The following RDH13 variants were observed in gnomAD, a reference collection of about 807,000 sequenced individuals.
The protein encoded by RDH13 is retinol dehydrogenase 13.
Under a neutral mutation model 28.3 loss-of-function variants are expected in RDH13, and 35 were observed. The ratio of observed to expected loss-of-function variants is 1.24; its 90% CI spans 0.95 to 1.64. The LOEUF is 1.64. Among genes scored for constraint, RDH13 ranks in the 40% most tolerant of loss-of-function variants. The pLI is 0.00. For synonymous variants in RDH13, 229 were observed against 198.5 expected, an observed-to-expected ratio of 1.15 and a Z score of -1.29; for missense variants, 514 against 446.3, an observed-to-expected ratio of 1.15 and a Z score of -1.37.
rs952597100 is a variant in RDH13, at chr19:55,047,467, G to C, written c.680C>G (p.Ala227Gly). 2.5e-6 allele frequency: 4 copies of C among 1,608,634 alleles called. No individual in the cohort carries two copies. The African/African-American group carries it at 4.0e-5, about 16-fold the overall frequency. ...TGTCCTGGCCACGCCGGGGTGCAGG[G>C]CGTTGACAGTCACACCAGAGCCTGG... The part of the protein sequence containing the change: ...RLQGSGVTVN[A>G]LHPGVARTEL... Residue 227 changes from alanine (A) to glycine (G), a missense_variant, in exon 6 of 7, where the codon GCC becomes GGC. Transcript: ENST00000415061.
At position 55,044,973 on chromosome 19, in the gene RDH13, C is replaced by T; in HGVS notation, c.*101G>A. ...ACTGCGGGCATGGCGGCCGCCAGTC[C>T]TGGGTCTCCCGGCTCAGGTAGTGCC... On this transcript the variant is annotated 3_prime_UTR_variant, in exon 7 of 7. Coordinates refer to ENST00000415061, the MANE Select transcript of RDH13 (RefSeq NM_001145971.2). 1.1e-6 allele frequency: 1 copy of T among 910,890 alleles called. No homozygotes were observed. The highest frequency in any genetic ancestry group is 1.7e-6 in the Non-Finnish European group (1 of 601,982). 56.4% of individuals were successfully genotyped at this position (910,890 alleles called of 1,614,324 possible). A position where few individuals can be genotyped will look rare whatever the true frequency, so the allele number is the denominator to read the frequency against.
downstream of RDH13, chr19:55,043,031 C>G (rs1671218): frequency 6.6e-6 from 1 of 152,068 alleles, no homozygotes; most frequent in African/African-American, 2.4e-5. Flanking sequence ...GTGGTCGCAC[C>G]GTGGGGTCCA....
At chr19:55,053,943 C>G (rs1273771014) in intron 3 of RDH13, 1 of 151,750 alleles carries the variant, frequency 6.6e-6, no homozygotes, top group Non-Finnish European at 1.5e-5. Flanking sequence ...ACCTCTGAGA[C>G]TCTGAGGCAT....
chr19:55,055,463 T>G (rs548358877), intron 3 of RDH13, among the ~76,000 whole-genome samples: 77 of 152,148 alleles, frequency 5.1e-4, no homozygotes, highest in African/African-American at 1.6e-3. Context: ...CAGTTCTGTC[T>G]TCTTTACATT....
downstream of RDH13, among the ~76,000 whole-genome samples, chr19:55,043,510 C>T (rs1453733121): frequency 1.3e-5 from 2 of 151,342 alleles, no homozygotes; most frequent in African/African-American, 4.9e-5. Flanking sequence ...ATGGTGATAC[C>T]GTCTTTAATT....
Position 55,048,549 on chromosome 19 carries a change from A to G in RDH13, c.446-8T>C. The stretch of plus-strand genomic sequence containing the variant: ...TTGTCAAGAGAAAGTGACCTGGATT[A>G]AGGATGATGAAAAGGTCACTTTTGA... On this transcript the variant is annotated splice_polypyrimidine_tract_variant and splice_region_variant and intron_variant, in intron 4 of 6. Coordinates refer to ENST00000415061, the MANE Select transcript of RDH13 (RefSeq NM_001145971.2). 6.2e-7 allele frequency: 1 copy of G among 1,613,878 alleles called. No individual in the cohort carries two copies. Among genetic ancestry groups the G allele is most frequent in the Non-Finnish European group, 8.5e-7 (1 of 1,179,768 alleles).
intron 2 of RDH13, among the ~76,000 whole-genome samples, chr19:55,057,924 A>G (rs1458314743): frequency 6.6e-6 from 1 of 151,252 alleles, no homozygotes; most frequent in Non-Finnish European, 1.5e-5. Flanking sequence ...GACTATAGGT[A>G]CCACCTGTGC....
At chr19:55,045,816 G>A (rs2075206851) in intron 6 of RDH13, among the ~76,000 whole-genome samples, 1 of 151,530 alleles carries the variant, frequency 6.6e-6, no homozygotes, top group African/African-American at 2.4e-5. Flanking sequence ...TGTGGTGGCG[G>A]GTGCCTGTAA....
At chr19:55,053,165 C>A (rs1050347787) in intron 3 of RDH13, among the ~76,000 whole-genome samples, 2 of 152,050 alleles carry the variant, frequency 1.3e-5, no homozygotes, top group Non-Finnish European at 2.9e-5. Context: ...ACTTCTGTCT[C>A]CCAAAGTGCC....
chr19:55,045,217 C>A lies in RDH13; in HGVS notation c.853G>T (p.Gly285Ter). 6.2e-7 allele frequency: 1 copy of A among 1,613,470 alleles called. No homozygotes were observed. Among genetic ancestry groups the A allele is most frequent in the Non-Finnish European group, 8.5e-7 (1 of 1,180,024 alleles). ...AVAEELADVS[G>*]KYFDGLKQKA... ...TGTTTGAGTCCATCGAAGTACTTTC[C>A]GGAAACATCCGCCAGTTCCTCCGCC... is the stretch of plus-strand genomic sequence containing the variant. The change falls in exon 7 of 7, where the codon GGA (glycine) becomes TGA (stop). Residue 285 changes from glycine to a stop codon, truncating the protein, a stop_gained. Transcript: ENST00000415061. LOFTEE classifies it low-confidence loss of function (END_TRUNC).
chr19:55,066,004 C>G (rs1394423596), upstream of RDH13, among the ~76,000 whole-genome samples: 3 of 152,208 alleles, frequency 2.0e-5, no homozygotes, highest in African/African-American at 7.2e-5. Flanking sequence ...AAAGCGTGAG[C>G]CACTGCGCCC....
intron 3 of RDH13, chr19:55,053,997 C>G (rs907705095): frequency 4.6e-5 from 7 of 152,228 alleles, no homozygotes; most frequent in African/African-American, 1.7e-4. Flanking sequence ...GTGCCTCTCA[C>G]CTACCCGACA....
chr19:55,065,290 G>A (rs1188427453), upstream of RDH13, among the ~76,000 whole-genome samples: 1 of 151,488 alleles, frequency 6.6e-6, no homozygotes, highest in East Asian at 2.0e-4. Flanking sequence ...AGGCTGAGGT[G>A]GGAGGTCTGC....
chr19:55,052,825 T>C (rs2075496381), intron 3 of RDH13, among the ~76,000 whole-genome samples: 1 of 151,922 alleles, frequency 6.6e-6, no homozygotes, highest in Non-Finnish European at 1.5e-5. Context: ...CACGCCCGGC[T>C]AATTTTTTTG....
chr19:55,044,942 G>C lies in RDH13; in HGVS notation c.*132C>G, dbSNP rs534830749. ...CCACTGCGGCCAGCACCGCCCCCTAGAACCTACTGCGGGCATGGCGGCCGC... is the reference window on the plus strand; with the variant it reads ...CCACTGCGGCCAGCACCGCCCCCTACAACCTACTGCGGGCATGGCGGCCGC... On this transcript the variant is annotated 3_prime_UTR_variant, in exon 7 of 7. Transcript: ENST00000415061. 1.5e-6 allele frequency: 1 copy of C among 672,624 alleles called. No individual in the cohort carries two copies. Among genetic ancestry groups the C allele is most frequent in the Non-Finnish European group, 2.5e-6 (1 of 399,364 alleles). 41.7% of individuals were successfully genotyped at this position (672,624 alleles called of 1,614,324 possible).
chr19:55,044,874 G>A lies in RDH13; in HGVS notation c.*200C>T, dbSNP rs535722473. 158 of 523,096 alleles carry A rather than the reference G, an allele frequency of 3.0e-4. 1 individual carries two copies. In the South Asian group the frequency reaches 3.8e-3, roughly 13 times the overall value. The allele number at this position is 523,096 out of a possible 1,614,324, so 32.4% of individuals were successfully genotyped here. A position where few individuals can be genotyped will look rare whatever the true frequency, so the allele number is the denominator to read the frequency against. Reference sequence around the variant, plus strand: ...CTCCCCTGCTGGCAGCAGAGCAGACGGAACCAGCCAGAGCCCAGGGCAGTG... The same window carrying A: ...CTCCCCTGCTGGCAGCAGAGCAGACAGAACCAGCCAGAGCCCAGGGCAGTG... On this transcript the variant is annotated 3_prime_UTR_variant, in exon 7 of 7. Coordinates refer to ENST00000415061, the MANE Select transcript of RDH13 (RefSeq NM_001145971.2).
downstream of RDH13, chr19:55,043,248 A>C (rs2075089901): frequency 6.6e-6 from 1 of 152,246 alleles, no homozygotes; most frequent in Non-Finnish European, 1.5e-5. Flanking sequence ...ACCTCTACAA[A>C]TAATTAGCCA....
At chr19:55,043,951 C>T (rs965472204), downstream of RDH13, among the ~76,000 whole-genome samples, 1 of 148,968 alleles carries the variant, frequency 6.7e-6, no homozygotes, top group Non-Finnish European at 1.5e-5. Context: ...GAATCTTGCT[C>T]TGTCACCCAG....
intron 3 of RDH13, among the ~76,000 whole-genome samples, chr19:55,051,430 CTTTTTTTTTTT>C (rs1157837008): frequency 6.8e-6 from 1 of 146,008 alleles, no homozygotes; most frequent in Non-Finnish European, 1.5e-5. Flanking sequence ...GGTTTTTTTT[CTTTTTTTTTTT>C]GAGATGAAGT....
Sources: gnomAD v4.1 joint callset for allele counts (sites outside exome capture counted in the v4.1 genomes callset) on GRCh38, gnomAD v4.1.1 for gene constraint, MANE v1.5 for transcripts, NCBI Gene and HGNC (gene_info 2026-07-23, HGNC 2026-07-21) for gene names.